Variants in GLRB observed in about 807,000 individuals in gnomAD.
GLRB encodes the protein glycine receptor beta.
Under a neutral mutation model 54.2 loss-of-function variants are expected in GLRB, and 33 were observed. The ratio of observed to expected loss-of-function variants is 0.61; its 90% CI spans 0.46 to 0.81. The LOEUF is 0.81. Ranked by LOEUF, GLRB falls within the 40% of genes least tolerant of loss-of-function variation. The pLI is 0.00. For synonymous variants in GLRB, 209 were observed against 208.2 expected, an observed-to-expected ratio of 1.00 and a Z score of -0.03; for missense variants, 572 against 584.6, an observed-to-expected ratio of 0.98 and a Z score of 0.22.
intron 9 of GLRB, among the ~76,000 whole-genome samples, chr4:157,163,259 G>A (rs111582964): frequency 2.0e-5 from 3 of 152,106 alleles, no homozygotes; most frequent in Non-Finnish European, 4.4e-5. Context: ...CTAGGAAAGG[G>A]AATTCCCCAA....
intron 2 of GLRB, among the ~76,000 whole-genome samples, chr4:157,105,920 T>A (rs899816720): frequency 1.3e-5 from 2 of 152,134 alleles, no homozygotes; most frequent in Non-Finnish European, 2.9e-5. Flanking sequence ...ATCTCTTTTT[T>A]AAAAAAATTA....
At chr4:157,135,751 A>G (rs1736374930) in intron 4 of GLRB, among the ~76,000 whole-genome samples, 1 of 152,202 alleles carries the variant, frequency 6.6e-6, no homozygotes. Context: ...ATTTCAAGGA[A>G]GATTTTTAGC....
intron 9 of GLRB, among the ~76,000 whole-genome samples, chr4:157,158,763 C>T (rs1021444919): frequency 9.9e-5 from 15 of 152,090 alleles, no homozygotes; most frequent in South Asian, 6.2e-4. Context: ...AGTCAGGTAG[C>T]GTGATGCCTC....
intron 3 of GLRB, among the ~76,000 whole-genome samples, chr4:157,121,199 A>C (rs2126531894): frequency 6.6e-6 from 1 of 151,844 alleles, no homozygotes; most frequent in African/African-American, 2.4e-5. Flanking sequence ...TTTGTGAATA[A>C]AAGTGATTAC....
chr4:157,146,882 G>T (rs1392330253), intron 8 of GLRB, among the ~76,000 whole-genome samples: 3 of 152,056 alleles, frequency 2.0e-5, no homozygotes, highest in East Asian at 1.9e-4. Context: ...GAGATAAAAG[G>T]TATTTGTAGG....
chr4:157,077,689 T>A (rs771598706), intron 1 of GLRB, among the ~76,000 whole-genome samples: 12 of 151,652 alleles, frequency 7.9e-5, no homozygotes, highest in Middle Eastern at 3.4e-3. Context: ...CAATATCAAT[T>A]TATAATTTTG....
chr4:157,100,030 T>C (rs1452348081), intron 2 of GLRB, among the ~76,000 whole-genome samples: 1 of 152,206 alleles, frequency 6.6e-6, no homozygotes, highest in Non-Finnish European at 1.5e-5. Flanking sequence ...TTATATATTC[T>C]AGAACAAATC....
At chr4:157,092,648 T>G (rs1734660833) in intron 2 of GLRB, among the ~76,000 whole-genome samples, 1 of 152,216 alleles carries the variant, frequency 6.6e-6, no homozygotes, top group South Asian at 2.1e-4. Flanking sequence ...GTGGCATGAC[T>G]TCTTTATGTG....
chr4:157,147,934 A>G (rs1392175652), intron 8 of GLRB, among the ~76,000 whole-genome samples: 3 of 152,190 alleles, frequency 2.0e-5, no homozygotes, highest in Non-Finnish European at 2.9e-5. Context: ...TAACTGAACG[A>G]GTATGGATGT....
chr4:157,126,352 A>G (rs1048087418), intron 4 of GLRB, among the ~76,000 whole-genome samples: 12 of 151,750 alleles, frequency 7.9e-5, no homozygotes. Flanking sequence ...GGTCTTCCAT[A>G]TCTCTGTGGT....
chr4:157,143,347 T>C (rs1390669772), intron 7 of GLRB, among the ~76,000 whole-genome samples: 1 of 151,986 alleles, frequency 6.6e-6, no homozygotes, highest in East Asian at 1.9e-4. Context: ...CCATCCATCC[T>C]AGATAAGAAG....
rs536198844 is a variant in GLRB, at chr4:157,098,540, G to T, written c.122+20394G>T. Among the ~76,000 whole-genome samples the T allele has an allele frequency of 1.3e-5, 2 of 152,236 alleles. 1 individual carries two copies. The highest frequency in any genetic ancestry group is 3.9e-4 in the East Asian group (2 of 5,170). Reference sequence around the variant, plus strand: ...TGCTATAAGCTGATTCTTAGGAGGGGCCATTAAGGAGAGTTAGCCCTTTGC... The same window carrying T: ...TGCTATAAGCTGATTCTTAGGAGGGTCCATTAAGGAGAGTTAGCCCTTTGC... On this transcript the variant is annotated intron_variant, in intron 2 of 9. Transcript: ENST00000264428.
intron 8 of GLRB, among the ~76,000 whole-genome samples, chr4:157,147,126 T>C (rs1299488114): frequency 6.6e-6 from 1 of 152,124 alleles, no homozygotes; most frequent in Admixed American, 6.5e-5. Flanking sequence ...CTGGGTTTAA[T>C]TGGAAATTTC....
intron 2 of GLRB, among the ~76,000 whole-genome samples, chr4:157,090,521 A>G (rs958837634): frequency 6.6e-6 from 1 of 152,174 alleles, no homozygotes; most frequent in Non-Finnish European, 1.5e-5. Flanking sequence ...GAGTATTTTA[A>G]TGGCCTTGTA....
intron 2 of GLRB, among the ~76,000 whole-genome samples, chr4:157,083,544 A>C (rs1466437945): frequency 6.6e-6 from 1 of 152,178 alleles, no homozygotes; most frequent in African/African-American, 2.4e-5. Flanking sequence ...GTTAGACCAG[A>C]GACTGATATA....
intron 9 of GLRB, among the ~76,000 whole-genome samples, chr4:157,161,717 C>T (rs939807556): frequency 3.9e-5 from 6 of 152,326 alleles, no homozygotes; most frequent in Middle Eastern, 3.4e-3. Context: ...GTCTGATGGG[C>T]TTCCCTTTGT....
Position 157,152,816 on chromosome 4 carries a change from G to C in GLRB, c.1003G>C (p.Ala335Pro). ...GAAGGCTCTTGATGTTTGGCTTATT[G>C]CTTGCCTTCTCTTTGGGTTTGCTTC... ...YVKALDVWLIACLLFGFASLV... is the reference protein window; with the variant it reads ...YVKALDVWLIPCLLFGFASLV... Residue 335 changes from alanine (A) to proline (P), a missense_variant, in exon 9 of 10, where the codon GCT (alanine) becomes CCT (proline). Physicochemically the swap from Ala to Pro is conservative, Grantham distance 27. Coordinates refer to ENST00000264428, the MANE Select transcript of GLRB (RefSeq NM_000824.5). 6.2e-7 allele frequency: 1 copy of C among 1,613,944 alleles called. No individual in the cohort carries two copies. Among genetic ancestry groups the C allele is most frequent in the Admixed American group, 1.7e-5 (1 of 59,996 alleles).
chr4:157,159,284 C>T (rs972249336), intron 9 of GLRB, among the ~76,000 whole-genome samples: 7 of 152,146 alleles, frequency 4.6e-5, no homozygotes, highest in Non-Finnish European at 8.8e-5. Flanking sequence ...CAAACAGGGA[C>T]AACTTGACTT....
At chr4:157,162,146 A>G (rs1737521895) in intron 9 of GLRB, among the ~76,000 whole-genome samples, 1 of 152,218 alleles carries the variant, frequency 6.6e-6, no homozygotes, top group African/African-American at 2.4e-5. Context: ...TTGTGAATGC[A>G]TCACGTAGTT....
Sources: allele counts gnomAD v4.1 joint callset (sites outside exome capture counted in the v4.1 genomes callset), GRCh38; gene constraint gnomAD v4.1.1; transcripts MANE v1.5; gene names NCBI Gene and HGNC (gene_info 2026-07-23, HGNC 2026-07-21).